Variants in CYRIB observed in about 807,000 individuals in gnomAD.
CYRIB encodes CYFIP-related Rac1 interactor B.
CYRIB carries 8 observed loss-of-function variants against 44.2 expected under a neutral mutation model. That is an observed-to-expected ratio of 0.18 (90% CI 0.11 to 0.33). The LOEUF (loss-of-function observed/expected upper bound fraction) is 0.33, where lower values mean the gene tolerates loss of function less well. Among genes scored for constraint, CYRIB ranks in the 10% least tolerant of loss-of-function variants. The pLI, the probability that CYRIB is intolerant of heterozygous loss-of-function variation, is 1.00. For synonymous variants in CYRIB, 131 were observed against 127.2 expected (o/e 1.03, Z -0.20); for missense variants, 185 against 382.8 (o/e 0.48, Z 4.31).
chr8:129,851,700 A>AG (rs1053931500), intron 8 of CYRIB: 1 of 152,814 alleles, frequency 6.5e-6, no homozygotes, highest in East Asian at 1.9e-4. Context: ...CCCAGCTACT[A>AG]GGGAGGCTGA....
chr8:129,849,247 A>G, exon 10 of CYRIB: 7 of 1,594,412 alleles, frequency 4.4e-6, no homozygotes, highest in South Asian at 1.2e-5. Context: ...ACTTACATCA[A>G]TTTTGGAAGT....
chr8:129,936,494 C>T (rs1484903478), intron 1 of CYRIB, among the ~76,000 whole-genome samples: 1 of 152,038 alleles, frequency 6.6e-6, no homozygotes, highest in African/African-American at 2.4e-5. Context: ...TTCACACATC[C>T]AAGAACATTT....
chr8:129,888,214 G>A (rs2063562857), intron 2 of CYRIB, among the ~76,000 whole-genome samples: 1 of 152,206 alleles, frequency 6.6e-6, no homozygotes. Context: ...AAAGGGTGGG[G>A]CACTTCCCCA....
intron 1 of CYRIB, among the ~76,000 whole-genome samples, chr8:129,916,864 G>A (rs966407171): frequency 6.6e-6 from 1 of 152,162 alleles, no homozygotes; most frequent in Admixed American, 6.5e-5. Context: ...AGCATATATA[G>A]GTAGAAAAGT....
intron 6 of CYRIB, 90 bp from the exon 9 acceptor site, chr8:129,854,433 A>C: frequency 1.2e-6 from 1 of 853,648 alleles, no homozygotes. Context: ...TAATTAGTAT[A>C]AAACATTCCA....
At chr8:129,955,248 G>A (rs1193394023) in intron 2 of CYRIB, among the ~76,000 whole-genome samples, 2 of 83,718 alleles carry the variant, frequency 2.4e-5, no homozygotes. Flanking sequence ...ACAAAACTCC[G>A]TCTCAAAAAA....
chr8:129,947,461 G>A (rs2094228366), intron 2 of CYRIB, among the ~76,000 whole-genome samples: 1 of 152,156 alleles, frequency 6.6e-6, no homozygotes, highest in Non-Finnish European at 1.5e-5. Flanking sequence ...CAGCTGTGAT[G>A]GCAGAGACAG....
At chr8:129,951,502 C>T (rs1381488280) in intron 2 of CYRIB, among the ~76,000 whole-genome samples, 9 of 150,632 alleles carry the variant, frequency 6.0e-5, no homozygotes, top group Admixed American at 1.3e-4. Context: ...GTCAGGAGTT[C>T]GAGACCAGCC....
chr8:130,015,505 G>T (rs774896792), intron 1 of CYRIB, among the ~76,000 whole-genome samples: 7 of 152,154 alleles, frequency 4.6e-5, no homozygotes, highest in Non-Finnish European at 8.8e-5. Context: ...AAACATAGCT[G>T]CAAAGTGCAT....
chr8:129,977,881 T>G (rs2096022852), intron 1 of CYRIB, among the ~76,000 whole-genome samples: 1 of 152,176 alleles, frequency 6.6e-6, no homozygotes, highest in South Asian at 2.1e-4. Context: ...GTGGACATCT[T>G]GTATTAGCAG....
chr8:129,898,089 T>C lies in CYRIB; in HGVS notation c.-11+5223A>G, dbSNP rs1413357547. Among the ~76,000 whole-genome samples the C allele has an allele frequency of 6.9e-4, 6 of 8,658 alleles. No individual in the cohort carries two copies. The East Asian group carries it at 0.058, about 83-fold the overall frequency. The allele number at this position is 8,658 out of a possible 152,430, so 5.7% of individuals were successfully genotyped here. On this transcript the variant is annotated intron_variant, in intron 2 of 11. Coordinates refer to ENST00000519824, the Ensembl canonical transcript of CYRIB. ...CCAATCTAAAAATTTTTTTTAAGTTTTTTTGTTTTTTTTTTTAAAGGAATA... is the reference window on the plus strand; with the variant it reads ...CCAATCTAAAAATTTTTTTTAAGTTCTTTTGTTTTTTTTTTTAAAGGAATA...
chr8:129,962,143 G>A (rs891031438), intron 2 of CYRIB, among the ~76,000 whole-genome samples: 1 of 152,026 alleles, frequency 6.6e-6, no homozygotes, highest in Non-Finnish European at 1.5e-5. Context: ...GCTACTCGGG[G>A]AGGCTGAGGT....
rs559683190 is a variant in CYRIB at position 129,923,380 on chromosome 8, T to G, written c.-50+16228A>C. Reference sequence around the variant, plus strand: ...ACCTCTGCCTCCCAGGTTCAAGCGATTCTCGTTCCTCAGCCTCCCAAGTAG... The same window carrying G: ...ACCTCTGCCTCCCAGGTTCAAGCGAGTCTCGTTCCTCAGCCTCCCAAGTAG... On this transcript the variant is annotated intron_variant, in intron 1 of 11. Transcript: ENST00000519824. 2.0e-3 allele frequency among the ~76,000 whole-genome samples: 306 copies of G among 151,924 alleles called. 2 individuals are homozygous for G. Among genetic ancestry groups the G allele is most frequent in the Non-Finnish European group, 3.7e-3 (249 of 67,930 alleles).
intron 2 of CYRIB, among the ~76,000 whole-genome samples, chr8:129,897,750 C>A (rs1346752323): frequency 6.6e-6 from 1 of 151,384 alleles, no homozygotes; most frequent in African/African-American, 2.4e-5. Context: ...GCCTGGGCAA[C>A]ATAGCGAAAC....
At chr8:130,014,605 A>G (rs908224407) in intron 1 of CYRIB, among the ~76,000 whole-genome samples, 1 of 152,222 alleles carries the variant, frequency 6.6e-6, no homozygotes, top group African/African-American at 2.4e-5. Context: ...GAGCTGAGAA[A>G]GGAGAAGGGG....
chr8:130,016,449 T>C (rs2097349694), exon 1 of CYRIB: 1 of 150,226 alleles, frequency 6.7e-6, no homozygotes, highest in Non-Finnish European at 1.5e-5. Context: ...GCCGCCGCCG[T>C]TTCCGGGTTG....
chr8:129,997,076 GGGAGGGAGGGAA>G (rs1564719360), intron 1 of CYRIB, among the ~76,000 whole-genome samples: 4 of 139,400 alleles, frequency 2.9e-5, no homozygotes, highest in Admixed American at 7.0e-5. Flanking sequence ...GAGGGAGGGA[GGGAGGGAGGGAA>G]GGAGGGAGGG....
intron 1 of CYRIB, among the ~76,000 whole-genome samples, chr8:129,932,002 T>TC (rs1356111116): frequency 6.7e-6 from 1 of 149,942 alleles, no homozygotes; most frequent in Non-Finnish European, 1.5e-5. Flanking sequence ...ATCTTCTTTT[T>TC]TTTTTTTTTT....
chr8:129,936,054 AGT>A (rs1444730117), intron 1 of CYRIB, among the ~76,000 whole-genome samples: 1 of 152,254 alleles, frequency 6.6e-6, no homozygotes, highest in Non-Finnish European at 1.5e-5. Context: ...CTTACAGGAG[AGT>A]ACAGAACAAG....
Sources: allele counts gnomAD v4.1 joint callset (sites outside exome capture counted in the v4.1 genomes callset), GRCh38; gene constraint gnomAD v4.1.1; transcripts MANE v1.5; gene names NCBI Gene and HGNC (gene_info 2026-07-23, HGNC 2026-07-21).